CNTN4: variants seen among roughly 807,000 people sequenced by gnomAD.
The protein encoded by CNTN4 is contactin-4.
Under a neutral mutation model 122.5 loss-of-function variants are expected in CNTN4, and 77 were observed. The observed-to-expected ratio is 0.63, with a 90% CI of 0.52 to 0.76. The LOEUF is 0.76. Among genes scored for constraint, CNTN4 ranks in the 30% least tolerant of loss-of-function variants. The pLI is 0.00. For synonymous variants in CNTN4, 512 were observed against 447.0 expected, an observed-to-expected ratio of 1.15 and a Z score of -1.83; for missense variants, 1,256 against 1,259.1, an observed-to-expected ratio of 1.00 and a Z score of 0.04.
intron 4 of CNTN4, among the ~76,000 whole-genome samples, chr3:2,660,725 C>T (rs1283453129): frequency 1.3e-5 from 2 of 152,246 alleles, no homozygotes; most frequent in Non-Finnish European, 2.9e-5. Flanking sequence ...TGGTTACCTA[C>T]TCTTTGCATC....
chr3:2,871,363 T>C (rs1437061898), intron 8 of CNTN4, among the ~76,000 whole-genome samples: 2 of 152,230 alleles, frequency 1.3e-5, no homozygotes, highest in East Asian at 1.9e-4. Flanking sequence ...CTATAGTGTA[T>C]AGATCATATT....
chr3:2,231,975 A>T (rs1371364485), intron 2 of CNTN4, among the ~76,000 whole-genome samples: 2 of 152,150 alleles, frequency 1.3e-5, no homozygotes, highest in Non-Finnish European at 2.9e-5. Flanking sequence ...TTCTATAAAG[A>T]ATTTTCCCTA....
intron 8 of CNTN4, among the ~76,000 whole-genome samples, chr3:2,877,254 C>T (rs561558627): frequency 6.6e-6 from 1 of 152,162 alleles, no homozygotes; most frequent in Non-Finnish European, 1.5e-5. Context: ...GTGGGCACTG[C>T]ATATGGCTTA....
chr3:2,507,880 C>G (rs945879548), intron 3 of CNTN4, among the ~76,000 whole-genome samples: 2 of 151,638 alleles, frequency 1.3e-5, no homozygotes, highest in African/African-American at 4.8e-5. Flanking sequence ...TTTTCTTCTC[C>G]CTCTCCACAC....
intron 4 of CNTN4, among the ~76,000 whole-genome samples, chr3:2,627,251 A>G (rs1405809000): frequency 6.6e-6 from 1 of 152,212 alleles, no homozygotes; most frequent in Non-Finnish European, 1.5e-5. Flanking sequence ...ATGTTTACAC[A>G]TAGACAGTAG....
intron 14 of CNTN4, chr3:3,009,150 A>G: frequency 2.0e-6 from 1 of 493,862 alleles, no homozygotes; most frequent in Non-Finnish European, 2.6e-6. Context: ...AGACTATAAG[A>G]GTTGACTAGG....
At chr3:2,681,314 T>C (rs186881622) in intron 4 of CNTN4, among the ~76,000 whole-genome samples, 1 of 152,294 alleles carries the variant, frequency 6.6e-6, no homozygotes, top group Admixed American at 6.5e-5. Context: ...TATTGAGTAA[T>C]TATACAGAAT....
In CNTN4 at chr3:2,738,750, A is replaced by C. The variant is rs183940100; in HGVS notation, c.182+2409A>C. 3.5e-3 allele frequency among the ~76,000 whole-genome samples: 539 copies of C among 152,288 alleles called. 3 individuals carry two copies. The highest frequency in any genetic ancestry group is 0.012 in the African/African-American group (518 of 41,562). ...ATTGGAACCCTACTGCGCAGCATAC[A>C]CAAAAATCAATTCCGAGTGTATAGA... is the stretch of plus-strand genomic sequence containing the variant. On this transcript the variant is annotated intron_variant, in intron 5 of 24. Coordinates refer to ENST00000418658, the MANE Select transcript of CNTN4 (RefSeq NM_175607.3).
intron 3 of CNTN4, among the ~76,000 whole-genome samples, chr3:2,500,897 A>C (rs2076576181): frequency 6.6e-6 from 1 of 152,178 alleles, no homozygotes; most frequent in African/African-American, 2.4e-5. Context: ...TTCCCTGCAG[A>C]AAGTTCCTCA....
intron 24 of CNTN4, among the ~76,000 whole-genome samples, chr3:3,054,601 G>T (rs560865499): frequency 8.5e-5 from 13 of 152,080 alleles, no homozygotes; most frequent in African/African-American, 3.1e-4. Context: ...TGATTTTTTT[G>T]TTGTTGTGTG....
At chr3:2,179,673 T>C (rs907031520) in intron 2 of CNTN4, among the ~76,000 whole-genome samples, 22 of 152,028 alleles carry the variant, frequency 1.4e-4, no homozygotes, top group African/African-American at 5.3e-4. Context: ...TTTTTTTAAT[T>C]TCCAGGGACT....
intron 2 of CNTN4, among the ~76,000 whole-genome samples, chr3:2,157,060 T>C (rs1016496695): frequency 3.3e-5 from 5 of 152,372 alleles, no homozygotes; most frequent in South Asian, 2.1e-4. Context: ...ATAGATTTCA[T>C]TGTGAGATAT....
intron 3 of CNTN4, among the ~76,000 whole-genome samples, chr3:2,368,794 A>G (rs2150628716): frequency 6.6e-6 from 1 of 152,328 alleles, no homozygotes; most frequent in East Asian, 1.9e-4. Context: ...TCTCTGGTTA[A>G]CTTACAGCCA....
intron 2 of CNTN4, among the ~76,000 whole-genome samples, chr3:2,166,289 G>C (rs1264958848): frequency 6.6e-6 from 1 of 151,868 alleles, no homozygotes; most frequent in Non-Finnish European, 1.5e-5. Context: ...ACACCTGTTA[G>C]GATTTTTTTT....
intron 4 of CNTN4, among the ~76,000 whole-genome samples, chr3:2,600,005 CTTCTTTTTTTTTTTTTTT>C (rs1190071688): frequency 3.5e-5 from 1 of 28,270 alleles, no homozygotes; most frequent in Non-Finnish European, 9.4e-5. Flanking sequence ...TTATGGAATT[CTTCTTTTTTTTTTTTTTT>C]TTTTTTTTTT....
At chr3:2,474,109 CTTTTTCTT>C (rs1316508773) in intron 3 of CNTN4, among the ~76,000 whole-genome samples, 1 of 152,010 alleles carries the variant, frequency 6.6e-6, no homozygotes, top group African/African-American at 2.4e-5. Flanking sequence ...GTGTCATCTC[CTTTTTCTT>C]GCCACCTCAC....
Position 2,873,257 on chromosome 3 carries a change from G to T in CNTN4, c.652+6308G>T, listed in dbSNP as rs1686153808. ...AAAGTTTCTTCTTCTTGTCTTCAAG[G>T]ATTCCAGTCACAACTTTCTAGCCTA... On this transcript the variant is annotated intron_variant, in intron 8 of 24. Coordinates refer to ENST00000418658, the MANE Select transcript of CNTN4 (RefSeq NM_175607.3). Among the ~76,000 whole-genome samples, 3 of 152,160 alleles carry T rather than the reference G, an allele frequency of 2.0e-5. No individual in the cohort carries two copies. In the South Asian group the frequency reaches 6.2e-4, roughly 32 times the overall value.
intron 4 of CNTN4, among the ~76,000 whole-genome samples, chr3:2,695,144 T>C (rs1576478912): frequency 6.6e-6 from 1 of 152,348 alleles, no homozygotes; most frequent in East Asian, 1.9e-4. Flanking sequence ...TATAGGAATA[T>C]CTTACAGCAG....
rs146383883 is a variant in CNTN4, at chr3:2,999,322, T to C, written c.1486+10850T>C. ...AACAAAAAGAACAACTCTTGTAATA[T>C]CTATGTGGGGAAGATAGAAGAATCT... On this transcript the variant is annotated intron_variant, in intron 14 of 24. Coordinates refer to ENST00000418658, the MANE Select transcript of CNTN4 (RefSeq NM_175607.3). Among the ~76,000 whole-genome samples, 414 of 152,332 alleles carry C rather than the reference T, an allele frequency of 2.7e-3. 4 individuals are homozygous for C. The highest frequency in any genetic ancestry group is 4.2e-3 in the Non-Finnish European group (288 of 68,024).
Sources: gnomAD v4.1 joint callset for allele counts (sites outside exome capture counted in the v4.1 genomes callset) on GRCh38, gnomAD v4.1.1 for gene constraint, MANE v1.5 for transcripts, NCBI Gene and HGNC (gene_info 2026-07-23, HGNC 2026-07-21) for gene names.